FLI1: variants seen among roughly 807,000 people sequenced by gnomAD.
The protein encoded by FLI1 is Fli-1 proto-oncogene, ETS transcription factor.
A neutral mutation model predicts 53.1 loss-of-function variants in FLI1; 13 were observed. That is an observed-to-expected ratio of 0.24 (90% confidence interval 0.16 to 0.39). The LOEUF is 0.39. FLI1 is among the 10% of genes least tolerant of loss of function. FLI1 has a pLI of 1.00. For synonymous variants in FLI1, 244 were observed against 236.7 expected, an observed-to-expected ratio of 1.03 and a Z score of -0.28; for missense variants, 424 against 600.5, an observed-to-expected ratio of 0.71 and a Z score of 3.07.
chr11:128,786,323 A>G (rs1456892241), intron 5 of FLI1, among the ~76,000 whole-genome samples: 1 of 152,204 alleles, frequency 6.6e-6, no homozygotes, highest in Non-Finnish European at 1.5e-5. Context: ...ATATTGATAA[A>G]GGTATAGGTA....
intron 5 of FLI1, 57 bp downstream of exon 5, chr11:128,782,080 C>A: frequency 1.5e-6 from 2 of 1,356,950 alleles, no homozygotes; most frequent in Non-Finnish European, 1.1e-6. Context: ...ATGACACAGG[C>A]CCATGCTGTT....
intron 5 of FLI1, among the ~76,000 whole-genome samples, chr11:128,786,610 C>T (rs12275915): frequency 2.6e-5 from 4 of 152,010 alleles, no homozygotes; most frequent in South Asian, 2.1e-4. Flanking sequence ...TGTTCTCTCC[C>T]GTCCTCCAGG....
intron 1 of FLI1, among the ~76,000 whole-genome samples, chr11:128,752,819 T>C (rs914433198): frequency 6.6e-6 from 1 of 152,246 alleles, no homozygotes; most frequent in East Asian, 1.9e-4. Flanking sequence ...ATCTGTTTTC[T>C]GTAACGACGA....
At chr11:128,707,998 G>C (rs765147021) in intron 1 of FLI1, among the ~76,000 whole-genome samples, 1 of 152,186 alleles carries the variant, frequency 6.6e-6, no homozygotes, top group Non-Finnish European at 1.5e-5. Flanking sequence ...ATGCTTAACT[G>C]TTGAAAATAA....
intron 1 of FLI1, among the ~76,000 whole-genome samples, chr11:128,743,205 T>C (rs539781952): frequency 2.0e-5 from 3 of 152,152 alleles, no homozygotes; most frequent in Admixed American, 2.0e-4. Context: ...CTAGGCAACA[T>C]AGTAAGACCC....
intron 1 of FLI1, among the ~76,000 whole-genome samples, chr11:128,703,456 C>T (rs1677710063): frequency 6.6e-6 from 1 of 152,140 alleles, no homozygotes; most frequent in Non-Finnish European, 1.5e-5. Flanking sequence ...TAAGAAAATG[C>T]CATGCAACTA....
chr11:128,734,081 C>A (rs1255812095), intron 1 of FLI1, among the ~76,000 whole-genome samples: 1 of 152,222 alleles, frequency 6.6e-6, no homozygotes, highest in East Asian at 1.9e-4. Context: ...CAGAAAATAT[C>A]TTTGCTACCA....
intron 1 of FLI1, among the ~76,000 whole-genome samples, chr11:128,716,460 C>G (rs1939019122): frequency 1.3e-5 from 2 of 152,210 alleles, no homozygotes; most frequent in African/African-American, 2.4e-5. Context: ...TTTCTAGAAG[C>G]CTGCCTGTAC....
At chr11:128,749,350 T>G (rs1399469737) in intron 1 of FLI1, among the ~76,000 whole-genome samples, 1 of 152,244 alleles carries the variant, frequency 6.6e-6, no homozygotes, top group African/African-American at 2.4e-5. Flanking sequence ...TATCCTTCAC[T>G]GAAGGCTCGT....
At chr11:128,805,612 G>C in intron 6 of FLI1, 181 bp downstream of exon 6, 1 of 540,278 alleles carries the variant, frequency 1.9e-6, no homozygotes, top group South Asian at 2.7e-5. Context: ...GATGATATGG[G>C]ATTTTCGTTT....
At chr11:128,795,559 A>AT (rs33948261) in intron 5 of FLI1, among the ~76,000 whole-genome samples, 86,116 of 136,170 alleles carry the variant, frequency 0.63, 27,718 homozygotes, top group South Asian at 0.75. Context: ...ATAGAAAGCA[A>AT]TTTTTTTTTT....
intron 1 of FLI1, among the ~76,000 whole-genome samples, chr11:128,694,511 GCC>G (rs11297253): frequency 1.3e-5 from 2 of 152,054 alleles, no homozygotes; most frequent in Non-Finnish European, 2.9e-5. Flanking sequence ...CCAAAGTGGA[GCC>G]CCGGCCCCCC....
chr11:128,751,623 T>G (rs1015091290), intron 1 of FLI1, among the ~76,000 whole-genome samples: 1 of 151,948 alleles, frequency 6.6e-6, no homozygotes, highest in African/African-American at 2.4e-5. Context: ...GCCTCCCGGG[T>G]TCACGCCATT....
Position 128,809,224 on chromosome 11 carries a change from C to A in FLI1, c.829+20C>A, listed in dbSNP as rs750805681. 8.7e-6 allele frequency: 14 copies of A among 1,611,410 alleles called. No homozygotes were observed. In the Admixed American group the frequency reaches 1.8e-4, roughly 21 times the overall value. On this transcript the variant is annotated intron_variant, in intron 8 of 8. Transcript: ENST00000527786. Reference sequence around the variant, plus strand: ...ACCCTGGTGAGTTTACCTTGGCCTGCAAGCCTTTTTTGCCAGAATGTTTCG... The same window carrying A: ...ACCCTGGTGAGTTTACCTTGGCCTGAAAGCCTTTTTTGCCAGAATGTTTCG...
chr11:128,723,823 T>A (rs1179970230), intron 1 of FLI1, among the ~76,000 whole-genome samples: 3 of 151,894 alleles, frequency 2.0e-5, no homozygotes, highest in African/African-American at 7.3e-5. Flanking sequence ...GCTTTCATGG[T>A]GCTAGGTGCA....
intron 1 of FLI1, among the ~76,000 whole-genome samples, chr11:128,721,083 C>T (rs962562711): frequency 3.9e-5 from 6 of 152,208 alleles, no homozygotes; most frequent in African/African-American, 1.4e-4. Flanking sequence ...TCTGTCCTTG[C>T]CAACTAGGGG....
chr11:128,767,999 G>A (rs745493870), intron 2 of FLI1, 119 bp from the exon 3 acceptor site: 11 of 826,402 alleles, frequency 1.3e-5, no homozygotes, highest in Non-Finnish European at 2.1e-5. Flanking sequence ...ATGACACCAA[G>A]TGTGGCCGGG....
chr11:128,765,920 T>C (rs1941323181), intron 2 of FLI1, among the ~76,000 whole-genome samples: 1 of 152,004 alleles, frequency 6.6e-6, no homozygotes, highest in South Asian at 2.1e-4. Context: ...TCCATGTGGG[T>C]GAAGTATGTG....
At position 128,811,496 on chromosome 11, in the gene FLI1, C is replaced by T; in HGVS notation, c.*508C>T. 1 of 232,400 alleles carries T rather than the reference C, an allele frequency of 4.3e-6. No homozygotes were observed. The highest frequency in any genetic ancestry group is 8.4e-6 in the Non-Finnish European group (1 of 118,528). The allele number at this position is 232,400 out of a possible 1,614,324, so 14.4% of individuals were successfully genotyped here. A position where few individuals can be genotyped will look rare whatever the true frequency, so the allele number is the denominator to read the frequency against. ...GCAACTGGAACATTGATTGTAAGGC[C>T]AGTGAAGTTTTCACCCAACTGGAAT... is the stretch of plus-strand genomic sequence containing the variant. On this transcript the variant is annotated 3_prime_UTR_variant, in exon 9 of 9. Coordinates refer to ENST00000527786, the MANE Select transcript of FLI1 (RefSeq NM_002017.5).
Sources: allele counts gnomAD v4.1 joint callset (sites outside exome capture counted in the v4.1 genomes callset), GRCh38; gene constraint gnomAD v4.1.1; transcripts MANE v1.5; gene names NCBI Gene and HGNC (gene_info 2026-07-23, HGNC 2026-07-21).